The following LRRC4C variants were observed in gnomAD, a reference collection of about 807,000 sequenced individuals.
The protein encoded by LRRC4C is leucine rich repeat containing 4C, also known as leucine-rich repeat-containing protein 4C.
LRRC4C carries 5 observed loss-of-function variants against 33.6 expected under a neutral mutation model. The observed-to-expected ratio is 0.15, with a 90% CI of 0.08 to 0.31. The LOEUF is 0.31. Among genes scored for constraint, LRRC4C ranks in the 10% least tolerant of loss-of-function variants. The probability of loss-of-function intolerance (pLI) is 1.00; values close to 1 mark genes in which losing one functional copy is unlikely to be tolerated. For missense variants in LRRC4C, 560 were observed against 796.7 expected, an observed-to-expected ratio of 0.70 and a Z score of 3.58; for synonymous variants, 329 against 302.0, an observed-to-expected ratio of 1.09 and a Z score of -0.93.
At chr11:41,061,131 A>G (rs987149069) in intron 1 of LRRC4C, among the ~76,000 whole-genome samples, 7 of 152,150 alleles carry the variant, frequency 4.6e-5, no homozygotes, top group Admixed American at 3.3e-4. Flanking sequence ...CTCCTGCTGT[A>G]CTTATCATAC....
At chr11:40,835,185 G>A (rs1193826147) in intron 2 of LRRC4C, among the ~76,000 whole-genome samples, 1 of 151,884 alleles carries the variant, frequency 6.6e-6, no homozygotes, top group Non-Finnish European at 1.5e-5. Flanking sequence ...GCTTCTCAAA[G>A]CAACAAGGCC....
At chr11:40,578,160 T>G (rs1188476799) in intron 3 of LRRC4C, among the ~76,000 whole-genome samples, 7 of 116,040 alleles carry the variant, frequency 6.0e-5, no homozygotes, top group African/African-American at 2.0e-4. Flanking sequence ...TTTTTTTTTT[T>G]TTTTTTTTTT....
At chr11:41,263,030 G>A (rs534181184) in intron 1 of LRRC4C, among the ~76,000 whole-genome samples, 8 of 152,154 alleles carry the variant, frequency 5.3e-5, no homozygotes, top group African/African-American at 1.4e-4. Context: ...AAACGACAAC[G>A]ACAACAAGCT....
intron 2 of LRRC4C, among the ~76,000 whole-genome samples, chr11:40,750,904 C>T (rs1202259214): frequency 2.0e-5 from 3 of 151,474 alleles, no homozygotes; most frequent in Admixed American, 6.6e-5. Context: ...TACAGCACAT[C>T]GAAAAGATGA....
At chr11:40,552,489 A>C (rs1591082735) in intron 3 of LRRC4C, among the ~76,000 whole-genome samples, 1 of 152,090 alleles carries the variant, frequency 6.6e-6, no homozygotes, top group East Asian at 1.9e-4. Flanking sequence ...TATTTAAGGA[A>C]CCCCCCACAA....
intron 3 of LRRC4C, among the ~76,000 whole-genome samples, chr11:40,330,670 A>G (rs1946320135): frequency 6.6e-6 from 1 of 152,098 alleles, no homozygotes; most frequent in African/African-American, 2.4e-5. Flanking sequence ...AAGGGGGAAA[A>G]GCCCCTTATA....
intron 1 of LRRC4C, among the ~76,000 whole-genome samples, chr11:41,402,751 C>T (rs1352322062): frequency 6.6e-6 from 1 of 151,718 alleles, no homozygotes; most frequent in African/African-American, 2.4e-5. Context: ...AGAAACAGGG[C>T]TCAAGAGAAA....
At chr11:40,525,165 G>T (rs1392019854) in intron 3 of LRRC4C, among the ~76,000 whole-genome samples, 2 of 152,130 alleles carry the variant, frequency 1.3e-5, no homozygotes, top group African/African-American at 4.8e-5. Context: ...AAAGGGGCTG[G>T]GCCGGGCGCC....
chr11:40,543,646 A>G (rs1956808087), intron 3 of LRRC4C, among the ~76,000 whole-genome samples: 1 of 152,116 alleles, frequency 6.6e-6, no homozygotes, highest in Non-Finnish European at 1.5e-5. Context: ...GAAAAATAAT[A>G]TAGAGTTTCT....
chr11:40,858,124 A>G (rs1021245012), intron 2 of LRRC4C, among the ~76,000 whole-genome samples: 7 of 152,112 alleles, frequency 4.6e-5, no homozygotes, highest in African/African-American at 1.7e-4. Flanking sequence ...AAAATAAAAA[A>G]TGTAGTTCCT....
At chr11:40,498,352 A>G (rs1954577624) in intron 3 of LRRC4C, among the ~76,000 whole-genome samples, 1 of 152,160 alleles carries the variant, frequency 6.6e-6, no homozygotes, top group African/African-American at 2.4e-5. Context: ...CATGTGCACC[A>G]TTACTCCTAC....
At chr11:40,352,731 G>A (rs1947468883) in intron 3 of LRRC4C, among the ~76,000 whole-genome samples, 1 of 152,068 alleles carries the variant, frequency 6.6e-6, no homozygotes. Flanking sequence ...TTTCAGATTG[G>A]AGAACTCCCT....
intron 3 of LRRC4C, among the ~76,000 whole-genome samples, chr11:40,512,960 T>C (rs948934355): frequency 1.3e-5 from 2 of 152,016 alleles, no homozygotes; most frequent in Non-Finnish European, 2.9e-5. Flanking sequence ...GAAAATCTAC[T>C]GTAACAAGGC....
intron 2 of LRRC4C, among the ~76,000 whole-genome samples, chr11:40,672,611 AT>A (rs1048757983): frequency 6.6e-6 from 1 of 152,178 alleles, no homozygotes; most frequent in African/African-American, 2.4e-5. Context: ...AACACCATAA[AT>A]TAGAAATGTC....
intron 1 of LRRC4C, among the ~76,000 whole-genome samples, chr11:41,005,164 T>C (rs1854652283): frequency 6.6e-6 from 1 of 152,154 alleles, no homozygotes; most frequent in Non-Finnish European, 1.5e-5. Flanking sequence ...GTTTGGACAT[T>C]TATCCCCTCC....
chr11:40,767,607 T>C (rs1468106284), intron 2 of LRRC4C, among the ~76,000 whole-genome samples: 1 of 151,794 alleles, frequency 6.6e-6, no homozygotes. Context: ...CAGAAAAAAA[T>C]GAAATCATAT....
At chr11:40,538,479 TG>T (rs1373848149) in intron 3 of LRRC4C, among the ~76,000 whole-genome samples, 2 of 152,232 alleles carry the variant, frequency 1.3e-5, no homozygotes, top group Non-Finnish European at 2.9e-5. Context: ...TTTTTGTGGC[TG>T]CTTAGTATTC....
At chr11:40,730,282 T>G (rs1298234898) in intron 2 of LRRC4C, among the ~76,000 whole-genome samples, 2 of 152,152 alleles carry the variant, frequency 1.3e-5, no homozygotes, top group African/African-American at 4.8e-5. Flanking sequence ...CTTCAAATAT[T>G]AAGGAATTTG....
At chr11:41,409,375 A>T (rs905959167) in intron 1 of LRRC4C, among the ~76,000 whole-genome samples, 2 of 152,248 alleles carry the variant, frequency 1.3e-5, no homozygotes, top group Non-Finnish European at 2.9e-5. Flanking sequence ...GATGACTTGG[A>T]ATAAATGATA....
Sources: gnomAD v4.1 joint callset for allele counts (sites outside exome capture counted in the v4.1 genomes callset) on GRCh38, gnomAD v4.1.1 for gene constraint, MANE v1.5 for transcripts, NCBI Gene and HGNC (gene_info 2026-07-23, HGNC 2026-07-21) for gene names.